Variants in MATN2 observed in about 807,000 individuals in gnomAD.
The protein encoded by MATN2 is matrilin 2.
Under a neutral mutation model 103.2 loss-of-function variants are expected in MATN2, and 69 were observed. The observed-to-expected ratio is 0.67, with a 90% confidence interval of 0.55 to 0.82. The LOEUF is 0.82. Among genes scored for constraint, MATN2 ranks in the 40% least tolerant of loss-of-function variants. The probability of loss-of-function intolerance (pLI) is 0.00; values close to 1 mark genes in which losing one functional copy is unlikely to be tolerated. For synonymous variants in MATN2, 429 were observed against 450.2 expected, an observed-to-expected ratio of 0.95 and a Z score of 0.60; for missense variants, 1,023 against 1,211.5, an observed-to-expected ratio of 0.84 and a Z score of 2.31.
At chr8:97,900,568 G>A (rs555846071) in intron 2 of MATN2, among the ~76,000 whole-genome samples, 1 of 152,262 alleles carries the variant, frequency 6.6e-6, no homozygotes, top group African/African-American at 2.4e-5. Flanking sequence ...TTCCATCTCC[G>A]GCTCTTAATC....
intron 2 of MATN2, among the ~76,000 whole-genome samples, chr8:97,925,350 C>G (rs1318503950): frequency 6.6e-6 from 1 of 152,022 alleles, no homozygotes; most frequent in African/African-American, 2.4e-5. Flanking sequence ...TCCACAAAGA[C>G]TGAAATATAG....
intron 13 of MATN2, among the ~76,000 whole-genome samples, chr8:98,024,056 A>T (rs1054520061): frequency 1.3e-5 from 2 of 152,182 alleles, no homozygotes; most frequent in African/African-American, 2.4e-5. Flanking sequence ...GTCGGGAGTG[A>T]GAACATCAAG....
intron 2 of MATN2, among the ~76,000 whole-genome samples, chr8:97,907,810 A>C (rs1819230421): frequency 6.6e-6 from 1 of 152,214 alleles, no homozygotes; most frequent in South Asian, 2.1e-4. Flanking sequence ...AGCCTGGCAC[A>C]GAGGAAGCAT....
intron 2 of MATN2, among the ~76,000 whole-genome samples, chr8:97,904,380 C>T (rs745356430): frequency 6.6e-6 from 1 of 152,186 alleles, no homozygotes; most frequent in Non-Finnish European, 1.5e-5. Context: ...AATCTGTTGG[C>T]ATAAATGACA....
At chr8:97,915,217 G>T (rs879877077) in intron 2 of MATN2, among the ~76,000 whole-genome samples, 2 of 151,928 alleles carry the variant, frequency 1.3e-5, no homozygotes, top group African/African-American at 2.4e-5. Context: ...GTCTCTAACT[G>T]CTGGGCTCAG....
At chr8:98,030,750 C>T in intron 15 of MATN2, 136 bp downstream of exon 15, 2 of 762,718 alleles carry the variant, frequency 2.6e-6, no homozygotes, top group Non-Finnish European at 4.1e-6. Flanking sequence ...ACAACCTCCG[C>T]CTCCTGGGTT....
intron 2 of MATN2, among the ~76,000 whole-genome samples, chr8:97,908,082 C>T (rs1047401661): frequency 3.9e-5 from 6 of 152,040 alleles, no homozygotes; most frequent in African/African-American, 9.7e-5. Flanking sequence ...GGTTTTAAAG[C>T]GAAAGCCTGT....
At chr8:97,998,633 G>A (rs978471451) in intron 7 of MATN2, among the ~76,000 whole-genome samples, 26 of 149,154 alleles carry the variant, frequency 1.7e-4, no homozygotes, top group Admixed American at 1.7e-3. Context: ...TGAAGCGAGA[G>A]CTTCAGCATA....
intron 2 of MATN2, among the ~76,000 whole-genome samples, chr8:97,913,693 C>A (rs937249261): frequency 1.3e-5 from 2 of 150,590 alleles, no homozygotes; most frequent in Admixed American, 6.6e-5. Flanking sequence ...CGGCTCACTG[C>A]AACCTCTGCC....
intron 14 of MATN2, among the ~76,000 whole-genome samples, chr8:98,029,327 A>C (rs143267270): frequency 0.017 from 2,538 of 152,336 alleles, 64 homozygotes; most frequent in African/African-American, 0.058. Context: ...ATTCTTAAAA[A>C]GAATTAATTA....
intron 10 of MATN2, among the ~76,000 whole-genome samples, chr8:98,016,330 G>A (rs1014609539): frequency 1.1e-4 from 17 of 152,076 alleles, no homozygotes; most frequent in Non-Finnish European, 2.1e-4. Flanking sequence ...TTGAGATCAC[G>A]CCACCACACT....
chr8:98,025,213 A>T (rs1813743503), intron 13 of MATN2: 2 of 152,184 alleles, frequency 1.3e-5, no homozygotes. Context: ...TTGAGTGATG[A>T]GGAAAAGCAC....
chr8:97,991,163 T>C (rs909809355), intron 6 of MATN2, among the ~76,000 whole-genome samples: 10 of 152,252 alleles, frequency 6.6e-5, no homozygotes, highest in African/African-American at 2.4e-4. Context: ...GTTTGCATCA[T>C]ACAATACAGT....
intron 8 of MATN2, among the ~76,000 whole-genome samples, 196 bp from the exon 9 acceptor site, chr8:98,006,909 C>T (rs1046331994): frequency 6.6e-6 from 1 of 152,190 alleles, no homozygotes; most frequent in Non-Finnish European, 1.5e-5. Flanking sequence ...GAGATCTCGC[C>T]ACTGCACTCC....
At chr8:97,962,829 A>G (rs1290184010) in intron 5 of MATN2, among the ~76,000 whole-genome samples, 14 of 152,206 alleles carry the variant, frequency 9.2e-5, no homozygotes, top group Admixed American at 9.2e-4. Flanking sequence ...CTCCATATAA[A>G]TATCTACTTT....
intron 3 of MATN2, among the ~76,000 whole-genome samples, chr8:97,935,666 A>T (rs895549345): frequency 6.6e-6 from 1 of 151,982 alleles, no homozygotes; most frequent in South Asian, 2.1e-4. Flanking sequence ...TTTACTTTTT[A>T]AAAAAGAAAC....
intron 6 of MATN2, among the ~76,000 whole-genome samples, chr8:97,980,405 G>A (rs543993557): frequency 5.5e-4 from 84 of 152,198 alleles, no homozygotes; most frequent in Non-Finnish European, 1.1e-3. Context: ...CCTCATCAAA[G>A]AGGAGGCCGT....
chr8:97,878,752 G>A (rs886182754), intron 1 of MATN2, among the ~76,000 whole-genome samples: 1 of 152,070 alleles, frequency 6.6e-6, no homozygotes, highest in East Asian at 1.9e-4. Context: ...TTGGGAGGCT[G>A]AGGCAGGAGA....
At chr8:97,917,565 G>C (rs1399236505) in intron 2 of MATN2, among the ~76,000 whole-genome samples, 2 of 152,134 alleles carry the variant, frequency 1.3e-5, no homozygotes, top group African/African-American at 4.8e-5. Context: ...GACTGCACCC[G>C]CTCTGGCAGG....
Sources: allele counts gnomAD v4.1 joint callset (sites outside exome capture counted in the v4.1 genomes callset), GRCh38; gene constraint gnomAD v4.1.1; transcripts MANE v1.5; gene names NCBI Gene and HGNC (gene_info 2026-07-23, HGNC 2026-07-21).